DTD1: variants seen among roughly 807,000 people sequenced by gnomAD.
DTD1 encodes D-aminoacyl-tRNA deacylase 1.
In DTD1, 13 loss-of-function variants were observed where a neutral mutation model predicts 25.6. The observed-to-expected ratio is 0.51, with a 90% CI of 0.33 to 0.81. DTD1 has a LOEUF of 0.81. DTD1 is among the 30% of genes least tolerant of loss of function. The pLI, the probability that DTD1 is intolerant of heterozygous loss-of-function variation, is 0.02. For synonymous variants in DTD1, 110 were observed against 103.6 expected (o/e 1.06, Z -0.37); for missense variants, 193 against 266.4 (o/e 0.72, Z 1.92).
intron 4 of DTD1, chr20:18,630,984 C>T: frequency 8.4e-6 from 7 of 837,142 alleles, no homozygotes; most frequent in Non-Finnish European, 1.0e-5. Flanking sequence ...ACCTGTGATA[C>T]CAGCCTTATT....
intron 3 of DTD1, among the ~76,000 whole-genome samples, chr20:18,609,270 G>A (rs769632232): frequency 6.6e-6 from 1 of 151,814 alleles, no homozygotes; most frequent in African/African-American, 2.4e-5. Flanking sequence ...AGCCTCTCAA[G>A]TTGCTGGGAC....
intron 4 of DTD1, among the ~76,000 whole-genome samples, chr20:18,742,946 G>A (rs1217819785): frequency 6.6e-6 from 1 of 152,194 alleles, no homozygotes; most frequent in East Asian, 1.9e-4. Context: ...AAAGTTCACA[G>A]ACTTAGTCTG....
At position 18,618,211 on chromosome 20, in the gene DTD1, T is replaced by C. The variant is rs182028403; in HGVS notation, c.371-9916T>C. On this transcript the variant is annotated intron_variant, in intron 3 of 5. Transcript: ENST00000377452. ...TCTGTTGGCAGAGTGTATTTTGAAC[T>C]TCTAGAATTTCACCCATCTGATAGA... Among the ~76,000 whole-genome samples the C allele has an allele frequency of 1.3e-3, 204 of 152,334 alleles. 1 individual carries two copies. Among genetic ancestry groups the C allele is most frequent in the African/African-American group, 4.7e-3 (197 of 41,578 alleles).
intron 4 of DTD1, among the ~76,000 whole-genome samples, chr20:18,673,108 G>A (rs2060956840): frequency 6.6e-6 from 1 of 152,194 alleles, no homozygotes. Context: ...TTATGGAGTA[G>A]CTTATTGATG....
chr20:18,625,803 G>A (rs1600327578), intron 3 of DTD1, among the ~76,000 whole-genome samples: 1 of 152,244 alleles, frequency 6.6e-6, no homozygotes, highest in South Asian at 2.1e-4. Context: ...AGCCTGTGGG[G>A]TGAGAATGCC....
intron 4 of DTD1, among the ~76,000 whole-genome samples, chr20:18,639,538 A>T (rs1429349699): frequency 2.0e-5 from 3 of 152,096 alleles, no homozygotes; most frequent in Non-Finnish European, 4.4e-5. Flanking sequence ...AGGACTGGAG[A>T]AGGTTGTCCT....
At chr20:18,735,110 G>T (rs976855598) in intron 4 of DTD1, among the ~76,000 whole-genome samples, 4 of 152,182 alleles carry the variant, frequency 2.6e-5, no homozygotes, top group Non-Finnish European at 4.4e-5. Flanking sequence ...CTTTGCAAGG[G>T]TTTGGTTGTA....
intron 4 of DTD1, among the ~76,000 whole-genome samples, chr20:18,657,122 A>C (rs142629882): frequency 9.2e-5 from 14 of 152,330 alleles, no homozygotes; most frequent in African/African-American, 3.1e-4. Flanking sequence ...TACTATTATA[A>C]GTAAAGGAAA....
intron 4 of DTD1, among the ~76,000 whole-genome samples, chr20:18,647,951 A>T (rs928204437): frequency 6.6e-6 from 1 of 152,162 alleles, no homozygotes; most frequent in African/African-American, 2.4e-5. Flanking sequence ...TCATCAACCT[A>T]GATGGGGCCC....
In DTD1 at chr20:18,593,725, T is replaced by C. The variant is rs1235883835; in HGVS notation, c.44-6T>C. ...AGTTCTTCTCTCCCTTTTGGTTCCT[T>C]TCTAGTTGGAGGAGAGCAGATTAGT... On this transcript the variant is annotated splice_polypyrimidine_tract_variant and splice_region_variant and intron_variant, in intron 1 of 5. Coordinates refer to ENST00000377452, the MANE Select transcript of DTD1 (RefSeq NM_080820.6). 3 of 1,612,740 alleles carry C rather than the reference T, an allele frequency of 1.9e-6. No individual in the cohort carries two copies. In the East Asian group the frequency reaches 6.7e-5, roughly 36 times the overall value.
chr20:18,676,894 C>G (rs1274619287), intron 4 of DTD1, among the ~76,000 whole-genome samples: 2 of 152,170 alleles, frequency 1.3e-5, no homozygotes, highest in East Asian at 1.9e-4. Flanking sequence ...TCAAGCCCCC[C>G]AAAAGGGCAG....
At chr20:18,736,287 C>G (rs574655308) in intron 4 of DTD1, among the ~76,000 whole-genome samples, 2 of 152,090 alleles carry the variant, frequency 1.3e-5, no homozygotes, top group Non-Finnish European at 2.9e-5. Context: ...GCAGGCAGCT[C>G]ACCTTGTCTG....
At chr20:18,669,886 G>T (rs1478107896) in intron 4 of DTD1, among the ~76,000 whole-genome samples, 3 of 152,138 alleles carry the variant, frequency 2.0e-5, no homozygotes, top group South Asian at 4.1e-4. Flanking sequence ...AGTTCCATTG[G>T]GGGTAAAGAT....
chr20:18,595,979 A>G (rs375941640), intron 2 of DTD1, 27 bp from the exon 3 acceptor site: 101 of 1,600,104 alleles, frequency 6.3e-5, no homozygotes, highest in Admixed American at 3.5e-4. Context: ...TCTCTCAGGT[A>G]GCTCTCACTG....
intron 3 of DTD1, among the ~76,000 whole-genome samples, chr20:18,613,849 GTGT>G: frequency 6.6e-6 from 1 of 152,176 alleles, no homozygotes; most frequent in African/African-American, 2.4e-5. Context: ...CCCATGCAGA[GTGT>G]TGTTGATCTT....
intron 4 of DTD1, among the ~76,000 whole-genome samples, chr20:18,676,825 G>T (rs1430774168): frequency 6.6e-6 from 1 of 152,112 alleles, no homozygotes; most frequent in Non-Finnish European, 1.5e-5. Context: ...TCCCAGTCTG[G>T]TGTTTCACAC....
chr20:18,683,643 A>G (rs563000000), intron 4 of DTD1, among the ~76,000 whole-genome samples: 3 of 152,206 alleles, frequency 2.0e-5, no homozygotes, highest in African/African-American at 7.2e-5. Context: ...ATAGGGCCCA[A>G]CAGGCTTTGA....
At chr20:18,740,114 C>G (rs571338618) in intron 4 of DTD1, among the ~76,000 whole-genome samples, 1 of 152,056 alleles carries the variant, frequency 6.6e-6, no homozygotes, top group Non-Finnish European at 1.5e-5. Flanking sequence ...AATGACACTA[C>G]GAGGAGCTGA....
intron 4 of DTD1, among the ~76,000 whole-genome samples, chr20:18,708,264 T>TATATATAATATA (rs1821438662): frequency 1.3e-4 from 2 of 15,702 alleles, no homozygotes; most frequent in African/African-American, 5.6e-4. Context: ...ATATATATAT[T>TATATATAATATA]TTATATATAT....
Sources: gnomAD v4.1 joint callset for allele counts (sites outside exome capture counted in the v4.1 genomes callset) on GRCh38, gnomAD v4.1.1 for gene constraint, MANE v1.5 for transcripts, NCBI Gene and HGNC (gene_info 2026-07-23, HGNC 2026-07-21) for gene names.